The following ANK2 variants were observed in gnomAD, a reference collection of about 807,000 sequenced individuals.
The protein encoded by ANK2 is ankyrin 2, also known as ankyrin-2.
A neutral mutation model predicts 360.5 loss-of-function variants in ANK2; 83 were observed. That is an observed-to-expected ratio of 0.23 (90% CI 0.19 to 0.28). The LOEUF is 0.28. Among genes scored for constraint, ANK2 ranks in the 10% least tolerant of loss-of-function variants. ANK2 has a pLI of 1.00. For missense variants in ANK2, 4,201 were observed against 4,795.7 expected (o/e 0.88, Z 3.66); for synonymous variants, 1,740 against 1,759.5 (o/e 0.99, Z 0.28).
intron 2 of ANK2, among the ~76,000 whole-genome samples, chr4:112,922,835 C>T (rs375773725): frequency 6.6e-6 from 1 of 152,140 alleles, no homozygotes; most frequent in Non-Finnish European, 1.5e-5. Flanking sequence ...GTCACTGATA[C>T]CAACCTAGCA....
chr4:113,231,430 G>A (rs928783376), intron 4 of ANK2, among the ~76,000 whole-genome samples: 6 of 152,058 alleles, frequency 3.9e-5, no homozygotes, highest in Non-Finnish European at 7.4e-5. Flanking sequence ...TTCACTAAGG[G>A]TGCTAACTAA....
At chr4:112,761,552 G>T in the ANK2 span, among the ~76,000 whole-genome samples, 1 of 152,122 alleles carries the variant, frequency 6.6e-6, no homozygotes, top group Admixed American at 6.5e-5. Context: ...CCAGGGAGGC[G>T]GAGGTTGCAG....
In ANK2 at chr4:113,292,501, A is replaced by G; in HGVS notation, c.2363A>G (p.Asn788Ser). 1.9e-6 allele frequency: 3 copies of G among 1,610,116 alleles called. No individual in the cohort carries two copies. Among genetic ancestry groups the G allele is most frequent in the South Asian group, 2.2e-5 (2 of 90,232 alleles). ...CTGCTCCAGCATGGGGCCAAGCCCA[A>G]CGCCACCACTGCGGTAAGGCAGACG... ...NVLLQHGAKP[N>S]ATTANGNTAL... The change falls in exon 21 of 46, where the codon AAC becomes AGC. Residue 788 changes from asparagine (N) to serine (S), a missense_variant. Coordinates refer to ENST00000357077, the MANE Select transcript of ANK2 (RefSeq NM_001148.6).
chr4:112,748,141 G>A, the ANK2 span, among the ~76,000 whole-genome samples: 3 of 152,102 alleles, frequency 2.0e-5, no homozygotes, highest in Admixed American at 6.6e-5. Context: ...TGTAGAACAC[G>A]AAGAGCTCTT....
chr4:112,861,628 G>GT (rs1434145132), intron 1 of ANK2, among the ~76,000 whole-genome samples: 2 of 152,100 alleles, frequency 1.3e-5, no homozygotes, highest in Non-Finnish European at 2.9e-5. Context: ...ATAAAATAGG[G>GT]TATCTACAGG....
rs142137451 is a variant in ANK2, at chr4:113,356,858, G to A, written c.8240G>A (p.Arg2747His). 452 of 1,614,012 alleles carry A rather than the reference G, an allele frequency of 2.8e-4. 5 individuals are homozygous for A. In the East Asian group the frequency reaches 8.1e-3, roughly 29 times the overall value. ...KDSESHLAEDRHAVSTEAEDR... is the reference protein window; with the variant it reads ...KDSESHLAEDHHAVSTEAEDR... ...TCTGAATCCCATTTAGCTGAAGACCGTCATGCTGTTTCCACTGAGGCTGAA... is the reference window on the plus strand; with the variant it reads ...TCTGAATCCCATTTAGCTGAAGACCATCATGCTGTTTCCACTGAGGCTGAA... The change falls in exon 38 of 46, where the codon CGT (arginine) becomes CAT (histidine). Residue 2747 changes from arginine to histidine, a missense_variant. This residue lies in a region of ANK2 where 2,642 missense variants were observed against 2,714.5 expected (regional missense o/e 0.97). Coordinates refer to ENST00000357077, the MANE Select transcript of ANK2 (RefSeq NM_001148.6).
chr4:113,073,303 C>T (rs1035823634), intron 1 of ANK2, among the ~76,000 whole-genome samples: 3 of 152,048 alleles, frequency 2.0e-5, no homozygotes, highest in Admixed American at 1.3e-4. Context: ...ACACCTGGCA[C>T]ATAAATATTC....
At chr4:112,796,351 A>T in the ANK2 span, among the ~76,000 whole-genome samples, 1 of 151,972 alleles carries the variant, frequency 6.6e-6, no homozygotes, top group East Asian at 1.9e-4. Flanking sequence ...TGAAGTCAGG[A>T]GGTGGAGGTT....
At chr4:112,712,407 T>TA in the ANK2 span, among the ~76,000 whole-genome samples, 1,693 of 42,454 alleles carry the variant, frequency 0.04, 32 homozygotes, top group African/African-American at 0.096. Context: ...TATATATATA[T>TA]TTTTTTTTTT....
rs371879286 is a variant in ANK2, at chr4:113,356,705, C to T, written c.8087C>T (p.Pro2696Leu). ...VIRVQPPSPLPSSMDSNSSPE... is the reference protein window; with the variant it reads ...VIRVQPPSPLLSSMDSNSSPE... ...CGAGTACAACCTCCTTCTCCACTTC[C>T]ATCAAGCATGGACTCCAATTCCAGT... The change falls in exon 38 of 46, where the codon CCA becomes CTA. Residue 2696 changes from proline to leucine, a missense_variant. Physicochemically the swap from Pro to Leu is moderately conservative, Grantham distance 98 (BLOSUM62 -3). This residue lies in a region of ANK2 where 2,642 missense variants were observed against 2,714.5 expected (regional missense o/e 0.97). Coordinates refer to ENST00000357077, the MANE Select transcript of ANK2 (RefSeq NM_001148.6). 193 of 1,614,006 alleles carry T rather than the reference C, an allele frequency of 1.2e-4. No homozygotes were observed. In the South Asian group the frequency reaches 1.3e-3, roughly 11 times the overall value.
At chr4:113,000,694 G>A (rs11934249) in intron 2 of ANK2, among the ~76,000 whole-genome samples, 31,244 of 152,066 alleles carry the variant, frequency 0.21, 3,344 homozygotes, top group African/African-American at 0.29. Context: ...GGAAAACTAG[G>A]TTTGTGCACA....
At chr4:112,818,823 T>C (rs567684414) in intron 1 of ANK2, among the ~76,000 whole-genome samples, 11 of 152,290 alleles carry the variant, frequency 7.2e-5, no homozygotes, top group African/African-American at 2.2e-4. Context: ...GGTCAAAATT[T>C]ATATTAAATA....
In ANK2 at chr4:113,331,990, G is replaced by C; in HGVS notation, c.3144G>C (p.Thr1048=). Residue 1048 remains threonine (T), a synonymous_variant, in exon 28 of 46, where the codon ACG becomes ACC. Transcript: ENST00000357077. The part of the protein sequence containing the change: ...AQFLGKLHLP[T]APPPLNEGES... ...TACTCAGTAAACTTCACCTGCCAAC[G>C]GCTCCTCCCCCACTTAATGAGGGAG... 9 of 1,614,018 alleles carry C rather than the reference G, an allele frequency of 5.6e-6. No homozygotes were observed. Among genetic ancestry groups the C allele is most frequent in the Non-Finnish European group, 7.6e-6 (9 of 1,179,994 alleles).
chr4:112,950,058 C>T (rs532522146), intron 2 of ANK2, among the ~76,000 whole-genome samples: 1 of 152,174 alleles, frequency 6.6e-6, no homozygotes, highest in African/African-American at 2.4e-5. Flanking sequence ...GAATGCTTTC[C>T]CCTTTTCTTC....
At chr4:113,336,146 T>C in intron 30 of ANK2, 89 bp downstream of exon 30, 4 of 1,350,974 alleles carry the variant, frequency 3.0e-6, no homozygotes, top group Non-Finnish European at 4.2e-6. Flanking sequence ...ACCTTTGTTT[T>C]ATAATCACAC....
At chr4:112,995,091 G>T (rs2048105347) in intron 2 of ANK2, among the ~76,000 whole-genome samples, 1 of 152,130 alleles carries the variant, frequency 6.6e-6, no homozygotes. Flanking sequence ...TGTGTCTTTT[G>T]GTTAGAGTGA....
the ANK2 span, among the ~76,000 whole-genome samples, chr4:112,790,484 CTTTTTTTTTTTTTT>C: frequency 1.8e-5 from 2 of 113,798 alleles, no homozygotes; most frequent in Non-Finnish European, 3.5e-5. Flanking sequence ...CTTTTCTTTT[CTTTTTTTTTTTTTT>C]TTTTTTTGAG....
intron 23 of ANK2, among the ~76,000 whole-genome samples, chr4:113,306,106 C>T (rs2077135616): frequency 6.6e-6 from 1 of 152,070 alleles, no homozygotes; most frequent in Non-Finnish European, 1.5e-5. Flanking sequence ...TAACTGATGC[C>T]ACAGTGGTCA....
chr4:113,263,500 A>G lies in ANK2; in HGVS notation c.1387-1397A>G, dbSNP rs29416. Among the ~76,000 whole-genome samples the G allele has an allele frequency of 3.4e-3, 521 of 152,332 alleles. 4 individuals are homozygous for G. The highest frequency in any genetic ancestry group is 0.012 in the African/African-American group (490 of 41,590). On this transcript the variant is annotated intron_variant, in intron 13 of 45. Coordinates refer to ENST00000357077, the MANE Select transcript of ANK2 (RefSeq NM_001148.6). ...TCCAATTTAGTGCTTTCACAATCAA[A>G]TCATTTGACATGAATTTCTCATAAC... is the stretch of plus-strand genomic sequence containing the variant.
Sources: allele counts gnomAD v4.1 joint callset (sites outside exome capture counted in the v4.1 genomes callset), GRCh38; gene constraint gnomAD v4.1.1; regional missense constraint gnomAD v4.1.1; transcripts MANE v1.5; gene names NCBI Gene and HGNC (gene_info 2026-07-23, HGNC 2026-07-21).